The following RAB3GAP2 variants were observed in gnomAD, a reference collection of about 807,000 sequenced individuals.
The protein encoded by RAB3GAP2 is RAB3 GTPase activating non-catalytic protein subunit 2, also known as rab3 GTPase-activating protein non-catalytic subunit.
In RAB3GAP2, 87 loss-of-function variants were observed where a neutral mutation model predicts 185.3. The ratio of observed to expected loss-of-function variants is 0.47; its 90% CI spans 0.39 to 0.56. The LOEUF (loss-of-function observed/expected upper bound fraction) is 0.56, where lower values mean the gene tolerates loss of function less well. RAB3GAP2 is among the 20% of genes least tolerant of loss of function. RAB3GAP2 has a pLI of 0.00. For missense variants in RAB3GAP2, 1,492 were observed against 1,638.2 expected, an observed-to-expected ratio of 0.91 and a Z score of 1.54; for synonymous variants, 554 against 576.1, an observed-to-expected ratio of 0.96 and a Z score of 0.55.
At position 220,148,615 on chromosome 1, in the gene RAB3GAP2, G is replaced by A. The variant is rs1350811584; in HGVS notation, c.*2636C>T. 3.9e-5 allele frequency: 6 copies of A among 152,122 alleles called. No individual in the cohort carries two copies. The highest frequency in any genetic ancestry group is 1.4e-4 in the African/African-American group (6 of 41,422). The allele number at this position is 152,122 out of a possible 1,614,324, so 9.4% of individuals were successfully genotyped here. A position where few individuals can be genotyped will look rare whatever the true frequency, so the allele number is the denominator to read the frequency against. On this transcript the variant is annotated 3_prime_UTR_variant, in exon 35 of 35. Coordinates refer to ENST00000358951, the MANE Select transcript of RAB3GAP2 (RefSeq NM_012414.4). ...CTTCTAAATGAACATTATATTCAGT[G>A]TAAGTCTCATATTATTAAATTTCAG...
Position 220,167,607 on chromosome 1 carries a change from C to G in RAB3GAP2, c.2875G>C (p.Ala959Pro), listed in dbSNP as rs1238188682. 1.1e-5 allele frequency: 17 copies of G among 1,613,992 alleles called. No individual in the cohort carries two copies. The highest frequency in any genetic ancestry group is 1.4e-5 in the Non-Finnish European group (17 of 1,179,980). ...TTTTCTGCATCTCTTTCTTCATTAG[C>G]CAGTTTTAATACTTCAGGGCTGAAG... ...QDFSPEVLKL[A>P]NEERDAENPD... The change falls in exon 25 of 35, where the codon GCT (alanine) becomes CCT (proline). Residue 959 changes from alanine to proline, a missense_variant. Coordinates refer to ENST00000358951, the MANE Select transcript of RAB3GAP2 (RefSeq NM_012414.4).
chr1:220,152,450 A>G (rs1337397002), intron 33 of RAB3GAP2, among the ~76,000 whole-genome samples: 1 of 152,142 alleles, frequency 6.6e-6, no homozygotes, highest in Admixed American at 6.5e-5. Context: ...GGCCCGGGCC[A>G]GCCTCCCTGC....
chr1:220,175,536 C>T (rs1327937554), intron 21 of RAB3GAP2, among the ~76,000 whole-genome samples: 1 of 152,174 alleles, frequency 6.6e-6, no homozygotes, highest in Non-Finnish European at 1.5e-5. Flanking sequence ...GATTTCTAAA[C>T]ATACCTATAG....
chr1:220,213,407 T>C (rs763476217), intron 3 of RAB3GAP2, among the ~76,000 whole-genome samples: 37 of 152,018 alleles, frequency 2.4e-4, no homozygotes, highest in Admixed American at 9.2e-4. Flanking sequence ...CTATAAGATA[T>C]GAAAAAAACC....
At chr1:220,154,211 G>A (rs1406112966) in intron 31 of RAB3GAP2, 154 bp from the exon 32 acceptor site, 7 of 1,106,958 alleles carry the variant, frequency 6.3e-6, no homozygotes, top group Non-Finnish European at 8.6e-6. Flanking sequence ...CAATTATCTA[G>A]TATATAGTAG....
chr1:220,167,046 A>G (rs1004013830), intron 26 of RAB3GAP2, among the ~76,000 whole-genome samples: 2 of 152,182 alleles, frequency 1.3e-5, no homozygotes, highest in African/African-American at 4.8e-5. Flanking sequence ...CAGGGAAGAA[A>G]CTTAACTTCT....
chr1:220,153,423 GAGAT>G lies in RAB3GAP2; in HGVS notation c.3646-21_3646-18del, dbSNP rs1419378031. On this transcript the variant is annotated intron_variant, in intron 32 of 34. Transcript: ENST00000358951. ...CAATAAGAACTTGAAAATGGAGAAA[GAGAT>G]AGAGCAATGCATTGTTACTGTTTCA... 7.5e-6 allele frequency: 12 copies of G among 1,601,452 alleles called. No individual in the cohort carries two copies. Among genetic ancestry groups the G allele is most frequent in the African/African-American group, 4.0e-5 (3 of 74,590 alleles).
intron 11 of RAB3GAP2, 42 bp downstream of exon 11, chr1:220,195,256 A>G (rs1296549425): frequency 1.3e-6 from 2 of 1,588,606 alleles, no homozygotes; most frequent in African/African-American, 2.7e-5. Context: ...AGCAAGCTAG[A>G]TACAAATGAG....
intron 2 of RAB3GAP2, 66 bp from the exon 3 acceptor site, chr1:220,214,045 G>GT: frequency 6.7e-7 from 1 of 1,484,158 alleles, no homozygotes; most frequent in Middle Eastern, 1.7e-4. Flanking sequence ...CAGCTTGCCT[G>GT]TCTCAAGGGG....
intron 1 of RAB3GAP2, among the ~76,000 whole-genome samples, chr1:220,251,247 A>T (rs999391829): frequency 6.6e-6 from 1 of 152,214 alleles, no homozygotes; most frequent in African/African-American, 2.4e-5. Context: ...CATGCACACA[A>T]ATGTGATATT....
At chr1:220,259,010 G>A (rs1175074355) in intron 1 of RAB3GAP2, among the ~76,000 whole-genome samples, 1 of 152,064 alleles carries the variant, frequency 6.6e-6, no homozygotes, top group Non-Finnish European at 1.5e-5. Flanking sequence ...AAATATCTAG[G>A]AACACAGCTA....
chr1:220,202,523 T>A, intron 8 of RAB3GAP2, 149 bp from the exon 9 acceptor site: 1 of 825,712 alleles, frequency 1.2e-6, no homozygotes, highest in Non-Finnish European at 1.9e-6. Flanking sequence ...GTGAGATTTA[T>A]TCACACCAAG....
At chr1:220,271,967 G>T (rs564340263) in intron 1 of RAB3GAP2, among the ~76,000 whole-genome samples, 10 of 151,920 alleles carry the variant, frequency 6.6e-5, no homozygotes, top group African/African-American at 2.2e-4. Context: ...AGGCAGAGGC[G>T]AGAGGAAACA....
chr1:220,269,362 C>T (rs899703283), intron 1 of RAB3GAP2, among the ~76,000 whole-genome samples: 2 of 152,162 alleles, frequency 1.3e-5, no homozygotes, highest in African/African-American at 4.8e-5. Context: ...TCTCAAGGGC[C>T]TTATACACCA....
At position 220,157,293 on chromosome 1, in the gene RAB3GAP2, G is replaced by A; in HGVS notation, c.3532C>T (p.Pro1178Ser). ...ACCTTACTGTCAAAAAGTGAAAGTG[G>A]CTTCACGGTCTTCAGAGAAAACCTC... ...VMRFSLKTVK[P>S]LSLFDSKGKN... The change falls in exon 31 of 35, where the codon CCA (proline) becomes TCA (serine). Residue 1178 changes from proline to serine, a missense_variant. Physicochemically the swap from Pro to Ser is moderately conservative, Grantham distance 74. Transcript: ENST00000358951. 6.2e-7 allele frequency: 1 copy of A among 1,613,826 alleles called. No individual in the cohort carries two copies. Among genetic ancestry groups the A allele is most frequent in the Non-Finnish European group, 8.5e-7 (1 of 1,179,944 alleles).
intron 29 of RAB3GAP2, 89 bp downstream of exon 29, chr1:220,159,297 A>G (rs1657918380): frequency 3.6e-6 from 4 of 1,100,180 alleles, no homozygotes; most frequent in Non-Finnish European, 5.5e-6. Context: ...ACAATGATAA[A>G]AGGCAAAGTT....
In RAB3GAP2 at chr1:220,195,357, T is replaced by C. The variant is rs1467448589; in HGVS notation, c.981A>G (p.Leu327=). 3 of 1,612,886 alleles carry C rather than the reference T, an allele frequency of 1.9e-6. No homozygotes were observed. The African/African-American group carries it at 4.0e-5, about 22-fold the overall frequency. Residue 327 remains leucine, a synonymous_variant, in exon 11 of 35, where the codon TTA becomes TTG. Transcript: ENST00000358951. ...TTGCAACTGCTAGTGCAACATGGGATAATAATGGTTGTGTGCTTCCCTGAA... is the reference window on the plus strand; with the variant it reads ...TTGCAACTGCTAGTGCAACATGGGACAATAATGGTTGTGTGCTTCCCTGAA... The part of the protein sequence containing the change: ...YALEGSTQPL[L]SHVALAVASK...
At chr1:220,240,747 A>G (rs1035123217) in intron 1 of RAB3GAP2, among the ~76,000 whole-genome samples, 1 of 152,164 alleles carries the variant, frequency 6.6e-6, no homozygotes, top group Non-Finnish European at 1.5e-5. Flanking sequence ...TAGTAACCTG[A>G]CTTTTCAATC....
At chr1:220,174,012 T>A (rs1658229490) in intron 21 of RAB3GAP2, among the ~76,000 whole-genome samples, 1 of 134,000 alleles carries the variant, frequency 7.5e-6, no homozygotes, top group Admixed American at 7.9e-5. Context: ...AGAGCGAGAC[T>A]CTGTCTCAAA....
Sources: gnomAD v4.1 joint callset for allele counts (sites outside exome capture counted in the v4.1 genomes callset) on GRCh38, gnomAD v4.1.1 for gene constraint, MANE v1.5 for transcripts, NCBI Gene and HGNC (gene_info 2026-07-23, HGNC 2026-07-21) for gene names.